DSG4: variants seen among roughly 807,000 people sequenced by gnomAD.
The protein encoded by DSG4 is desmoglein 4.
A neutral mutation model predicts 93.1 loss-of-function variants in DSG4; 87 were observed. That is an observed-to-expected ratio of 0.93 (90% CI 0.79 to 1.12). DSG4 has a LOEUF of 1.12. Ranked by LOEUF, DSG4 falls within the 50% of genes most tolerant of loss-of-function variation. The pLI, the probability that DSG4 is intolerant of heterozygous loss-of-function variation, is 0.00. For synonymous variants in DSG4, 432 were observed against 452.9 expected, an observed-to-expected ratio of 0.95 and a Z score of 0.59; for missense variants, 1,373 against 1,285.7, an observed-to-expected ratio of 1.07 and a Z score of -1.04.
intron 1 of DSG4, among the ~76,000 whole-genome samples, chr18:31,380,090 T>C (rs2072118120): frequency 6.6e-6 from 1 of 152,106 alleles, no homozygotes; most frequent in Non-Finnish European, 1.5e-5. Context: ...TCCTGCAGAG[T>C]CCATGGGGAG....
intron 14 of DSG4, 130 bp from the exon 15 acceptor site, chr18:31,411,101 C>T (rs544593734): frequency 1.3e-6 from 2 of 1,590,648 alleles, no homozygotes; most frequent in East Asian, 4.6e-5. Flanking sequence ...TTGTATCTCT[C>T]TTTGTCAGCT....
chr18:31,380,081 C>T (rs1423531939), intron 1 of DSG4, among the ~76,000 whole-genome samples: 1 of 151,970 alleles, frequency 6.6e-6, no homozygotes, highest in African/African-American at 2.4e-5. Context: ...CCTTCAAATT[C>T]CTGCAGAGTC....
chr18:31,386,843 A>G lies in DSG4; in HGVS notation c.216+24A>G, dbSNP rs758874397. 3.7e-6 allele frequency: 6 copies of G among 1,612,622 alleles called. No individual in the cohort carries two copies. In the Admixed American group the frequency reaches 1.0e-4, roughly 27 times the overall value. Reference sequence around the variant, plus strand: ...AAGTAAGTGATGAAGCAATCTGATGACAAATGCTTTTGCAGAGCAGGGAAG... The same window carrying G: ...AAGTAAGTGATGAAGCAATCTGATGGCAAATGCTTTTGCAGAGCAGGGAAG... On this transcript the variant is annotated intron_variant, in intron 3 of 15. Coordinates refer to ENST00000308128, the MANE Select transcript of DSG4 (RefSeq NM_177986.5).
At position 31,406,124 on chromosome 18, in the gene DSG4, T is replaced by C. The variant is rs2072422545; in HGVS notation, c.1684T>C (p.Tyr562His). 1 of 1,614,168 alleles carries C rather than the reference T, an allele frequency of 6.2e-7. No homozygotes were observed. The highest frequency in any genetic ancestry group is 8.5e-7 in the Non-Finnish European group (1 of 1,180,022). Residue 562 changes from tyrosine to histidine, a missense_variant, in exon 12 of 16, where the codon TAT (tyrosine) becomes CAT (histidine). Coordinates refer to ENST00000308128, the MANE Select transcript of DSG4 (RefSeq NM_177986.5). ...TAKQVLSPGF[Y>H]EIPILVKDSY... ...TAAGCAGGTTTTATCTCCAGGATTT[T>C]ATGAAATCCCAATCCTGGTGAAGGA...
At chr18:31,384,807 A>G (rs2072170402) in intron 1 of DSG4, among the ~76,000 whole-genome samples, 1 of 152,142 alleles carries the variant, frequency 6.6e-6, no homozygotes, top group Non-Finnish European at 1.5e-5. Context: ...AACTAGCTTC[A>G]TTCTGCAGAG....
Position 31,388,467 on chromosome 18 carries a change from C to T in DSG4, c.317C>T (p.Thr106Ile). Residue 106 changes from threonine to isoleucine, a missense_variant, in exon 4 of 16, where the codon ACT (threonine) becomes ATT (isoleucine). Transcript: ENST00000308128. ...PYGVFTINPR[T>I]GEINITSVVD... ...GGGGTATTCACCATTAATCCTCGCA[C>T]TGGGGAAATTAACATCACTTCAGTG... The T allele has an allele frequency of 6.2e-7, 1 of 1,613,574 alleles. No individual in the cohort carries two copies. Among genetic ancestry groups the T allele is most frequent in the Middle Eastern group, 1.7e-4 (1 of 6,058 alleles).
intron 11 of DSG4, 38 bp downstream of exon 11, chr18:31,403,672 C>A: frequency 6.3e-7 from 1 of 1,597,610 alleles, no homozygotes; most frequent in South Asian, 1.1e-5. Flanking sequence ...GACTTTAAGT[C>A]CAAAAGCAAA....
chr18:31,384,759 C>G (rs1268464627), intron 1 of DSG4, among the ~76,000 whole-genome samples: 1 of 152,094 alleles, frequency 6.6e-6, no homozygotes, highest in Non-Finnish European at 1.5e-5. Context: ...TTGTTTCACC[C>G]TGGGTGAAAT....
intron 1 of DSG4, among the ~76,000 whole-genome samples, chr18:31,379,981 A>G (rs554591049): frequency 1.6e-4 from 25 of 152,348 alleles, no homozygotes; most frequent in Admixed American, 1.6e-3. Context: ...ACATCGAAGC[A>G]AATCTCACCT....
chr18:31,391,112 C>G lies in DSG4; in HGVS notation c.719C>G (p.Ser240Ter), dbSNP rs1308569834. 6.2e-7 allele frequency: 1 copy of G among 1,613,598 alleles called. No homozygotes were observed. The highest frequency in any genetic ancestry group is 1.3e-5 in the African/African-American group (1 of 74,878). The change falls in exon 7 of 16, where the codon TCA becomes TGA. Residue 240 changes from serine (S) to a stop codon, truncating the protein, a stop_gained. Coordinates refer to ENST00000308128, the MANE Select transcript of DSG4 (RefSeq NM_177986.5). LOFTEE classifies it high-confidence loss of function. ...HSMYNLVVRG[S>*]DRDGAADGLS... Reference sequence around the variant, plus strand: ...ATGTACAACCTGGTTGTGAGAGGCTCAGATCGGGATGGAGCTGCAGATGGA... The same window carrying G: ...ATGTACAACCTGGTTGTGAGAGGCTGAGATCGGGATGGAGCTGCAGATGGA...
At chr18:31,395,511 C>T (rs2144187788) in intron 8 of DSG4, among the ~76,000 whole-genome samples, 1 of 152,196 alleles carries the variant, frequency 6.6e-6, no homozygotes, top group African/African-American at 2.4e-5. Context: ...TTTTAGAGAA[C>T]ATAAGCGTAA....
Position 31,412,909 on chromosome 18 carries a change from T to A in DSG4, c.2437T>A (p.Ser813Thr), listed in dbSNP as rs1329366476. 2 of 1,613,816 alleles carry A rather than the reference T, an allele frequency of 1.2e-6. No individual in the cohort carries two copies. Among genetic ancestry groups the A allele is most frequent in the African/African-American group, 2.7e-5 (2 of 74,888 alleles). The change falls in exon 16 of 16, where the codon TCT becomes ACT. Residue 813 changes from serine to threonine, a missense_variant. By Grantham distance (58) the Ser-to-Thr change is moderately conservative. Coordinates refer to ENST00000308128, the MANE Select transcript of DSG4 (RefSeq NM_177986.5). ...LLIYDHEGVG[S>T]PVGSIGCCSW... The stretch of plus-strand genomic sequence containing the variant: ...CATTTATGACCACGAGGGAGTCGGG[T>A]CTCCCGTAGGCTCTATTGGTTGTTG...
At chr18:31,407,098 T>TG (rs1166531655) in intron 12 of DSG4, among the ~76,000 whole-genome samples, 1 of 151,908 alleles carries the variant, frequency 6.6e-6, no homozygotes, top group Non-Finnish European at 1.5e-5. Context: ...TAAAGGAGGA[T>TG]GATGTCTAAG....
In DSG4 at chr18:31,392,323, A is replaced by G; in HGVS notation, c.988A>G (p.Ile330Val). ...IQTDPQTNEG[I>V]LKVVKMLDYE... is the part of the protein sequence containing the mutation. Reference sequence around the variant, plus strand: ...AACAGATCCACAAACCAATGAAGGCATTTTGAAAGTTGTCAAGGTACAGTA... The same window carrying G: ...AACAGATCCACAAACCAATGAAGGCGTTTTGAAAGTTGTCAAGGTACAGTA... The change falls in exon 8 of 16, where the codon ATT (isoleucine) becomes GTT (valine). Residue 330 changes from isoleucine to valine, a missense_variant. Ile to Val is a conservative substitution (Grantham distance 29). Transcript: ENST00000308128. 1 of 1,613,696 alleles carries G rather than the reference A, an allele frequency of 6.2e-7. No individual in the cohort carries two copies. The highest frequency in any genetic ancestry group is 8.5e-7 in the Non-Finnish European group (1 of 1,179,788).
At chr18:31,392,690 T>C (rs1468541389) in intron 8 of DSG4, among the ~76,000 whole-genome samples, 4 of 152,148 alleles carry the variant, frequency 2.6e-5, no homozygotes, top group African/African-American at 9.7e-5. Context: ...GGGAGTGGAA[T>C]ATGAAATAAT....
chr18:31,400,402 A>C lies in DSG4; in HGVS notation c.1278-479A>C, dbSNP rs565670740. On this transcript the variant is annotated intron_variant, in intron 9 of 15. Transcript: ENST00000308128. ...TCTTCCAGTGAGGTCAAGCACTTTA[A>C]ATCTATCATCTGTAACAAGATCCAG... Among the ~76,000 whole-genome samples, 3 of 152,256 alleles carry C rather than the reference A, an allele frequency of 2.0e-5. No individual in the cohort carries two copies. In the East Asian group the frequency reaches 5.8e-4, roughly 29 times the overall value.
intron 9 of DSG4, among the ~76,000 whole-genome samples, 178 bp from the exon 10 acceptor site, chr18:31,400,703 T>C (rs548698758): frequency 6.6e-6 from 1 of 152,176 alleles, no homozygotes; most frequent in Non-Finnish European, 1.5e-5. Context: ...GACCTGTATA[T>C]TAATGTATAT....
chr18:31,402,204 C>G (rs1382900441), intron 10 of DSG4, among the ~76,000 whole-genome samples: 7 of 152,222 alleles, frequency 4.6e-5, no homozygotes, highest in Admixed American at 4.6e-4. Flanking sequence ...AGCAGAGTGT[C>G]TGCACTGGCA....
intron 1 of DSG4, among the ~76,000 whole-genome samples, chr18:31,380,354 A>C (rs76415008): frequency 6.6e-6 from 1 of 152,136 alleles, no homozygotes; most frequent in Non-Finnish European, 1.5e-5. Context: ...TCCAGGAAGG[A>C]GTTCCGTATA....
Sources: gnomAD v4.1 joint callset for allele counts (sites outside exome capture counted in the v4.1 genomes callset) on GRCh38, gnomAD v4.1.1 for gene constraint, MANE v1.5 for transcripts, NCBI Gene and HGNC (gene_info 2026-07-23, HGNC 2026-07-21) for gene names.